DNM3: variants seen among roughly 807,000 people sequenced by gnomAD.
The protein encoded by DNM3 is dynamin 3.
In DNM3, 47 loss-of-function variants were observed where a neutral mutation model predicts 101.6. The observed-to-expected ratio is 0.46, with a 90% CI of 0.37 to 0.59. DNM3 has a LOEUF of 0.59. Ranked by LOEUF, DNM3 falls within the 20% of genes least tolerant of loss-of-function variation. DNM3 has a pLI of 0.00. For synonymous variants in DNM3, 385 were observed against 387.9 expected (o/e 0.99, Z 0.09); for missense variants, 849 against 1,085.7 (o/e 0.78, Z 3.06).
chr1:172,163,315 T>G (rs935866787), intron 14 of DNM3, among the ~76,000 whole-genome samples: 6 of 150,570 alleles, frequency 4.0e-5, no homozygotes, highest in Non-Finnish European at 5.9e-5. Flanking sequence ...CTTGGCTCAC[T>G]GCAACCTCCA....
At chr1:171,883,404 CACACACACA>C (rs2036482213) in intron 1 of DNM3, among the ~76,000 whole-genome samples, 4 of 126,780 alleles carry the variant, frequency 3.2e-5, no homozygotes, top group South Asian at 4.9e-4. Flanking sequence ...CACACACACA[CACACACACA>C]CCCTGTCAGA....
intron 2 of DNM3, among the ~76,000 whole-genome samples, chr1:171,943,602 C>A (rs1374225397): frequency 6.6e-6 from 1 of 152,184 alleles, no homozygotes; most frequent in African/African-American, 2.4e-5. Flanking sequence ...ATGGGGAAAT[C>A]TTTGAATCTA....
At chr1:172,213,854 A>G (rs946332108) in intron 14 of DNM3, among the ~76,000 whole-genome samples, 1 of 152,032 alleles carries the variant, frequency 6.6e-6, no homozygotes, top group African/African-American at 2.4e-5. Flanking sequence ...TATTGGCATC[A>G]GAGAAATTAA....
chr1:172,418,457 T>C, exon 21 of DNM3: 1 of 609,804 alleles, frequency 1.6e-6, no homozygotes, highest in South Asian at 3.4e-5. Flanking sequence ...AAGTTTATTC[T>C]ATATAAAAAT....
At chr1:172,376,364 C>T (rs1440474965) in intron 17 of DNM3, 1 of 151,932 alleles carries the variant, frequency 6.6e-6, no homozygotes, top group African/African-American at 2.4e-5. Flanking sequence ...TTTACATTTC[C>T]TTGATGAGGA....
chr1:172,411,257 A>G lies in DNM3; in HGVS notation c.*3416A>G. 2.0e-6 allele frequency: 2 copies of G among 985,222 alleles called. No individual in the cohort carries two copies. Among genetic ancestry groups the G allele is most frequent in the Non-Finnish European group, 2.4e-6 (2 of 829,756 alleles). The allele number at this position is 985,222 out of a possible 1,614,324, so 61.0% of individuals were successfully genotyped here. ...ATTTCTCATAACATATATGAGGTATACAAAATTTTCTAACTCCAGATTGTA... is the reference window on the plus strand; with the variant it reads ...ATTTCTCATAACATATATGAGGTATGCAAAATTTTCTAACTCCAGATTGTA... On this transcript the variant is annotated 3_prime_UTR_variant, in exon 21 of 21. Transcript: ENST00000627582.
downstream of DNM3, among the ~76,000 whole-genome samples, chr1:172,416,472 G>A (rs1301803946): frequency 6.6e-6 from 1 of 152,112 alleles, no homozygotes; most frequent in Non-Finnish European, 1.5e-5. Context: ...AGCTGTCTGA[G>A]GATATAAATG....
intron 1 of DNM3, among the ~76,000 whole-genome samples, chr1:171,868,981 C>T (rs2125075513): frequency 6.6e-6 from 1 of 152,178 alleles, no homozygotes; most frequent in East Asian, 1.9e-4. Context: ...CAGGGTTTCT[C>T]CATGTTGGTC....
chr1:172,169,907 T>C (rs1479692187), intron 14 of DNM3, among the ~76,000 whole-genome samples: 3 of 151,926 alleles, frequency 2.0e-5, no homozygotes, highest in Admixed American at 2.0e-4. Flanking sequence ...TTTTCAGTTT[T>C]AACATCAAGG....
chr1:172,190,397 T>C (rs910989725), intron 14 of DNM3, among the ~76,000 whole-genome samples: 3 of 152,190 alleles, frequency 2.0e-5, no homozygotes, highest in Non-Finnish European at 4.4e-5. Context: ...CACATTTTCT[T>C]AATCCAGTCT....
chr1:171,917,891 T>C (rs1351366608), intron 1 of DNM3, among the ~76,000 whole-genome samples: 1 of 152,198 alleles, frequency 6.6e-6, no homozygotes, highest in Non-Finnish European at 1.5e-5. Flanking sequence ...GGTTTTCCCA[T>C]AAAATATGCT....
chr1:172,264,964 C>T (rs2062802976), intron 15 of DNM3, among the ~76,000 whole-genome samples: 1 of 152,090 alleles, frequency 6.6e-6, no homozygotes. Context: ...AAAAGATCAG[C>T]AATGAAGAGA....
intron 10 of DNM3, among the ~76,000 whole-genome samples, chr1:172,064,146 C>G (rs1344737939): frequency 1.3e-5 from 2 of 152,052 alleles, no homozygotes; most frequent in Non-Finnish European, 2.9e-5. Flanking sequence ...AATAGCAAAT[C>G]CTTCATCCCT....
chr1:172,170,456 A>G (rs2058913710), intron 14 of DNM3, among the ~76,000 whole-genome samples: 1 of 151,802 alleles, frequency 6.6e-6, no homozygotes, highest in African/African-American at 2.4e-5. Flanking sequence ...TGGGTTCTTA[A>G]TCTCTGGGTC....
intron 4 of DNM3, among the ~76,000 whole-genome samples, chr1:172,020,076 T>C (rs2047729485): frequency 6.6e-6 from 1 of 152,164 alleles, no homozygotes; most frequent in African/African-American, 2.4e-5. Context: ...GGGTGCTATA[T>C]GATGTACTGG....
At chr1:172,198,869 C>A (rs1225803420) in intron 14 of DNM3, among the ~76,000 whole-genome samples, 4 of 151,914 alleles carry the variant, frequency 2.6e-5, no homozygotes, top group Admixed American at 2.6e-4. Flanking sequence ...CTCCTGGATT[C>A]ATTGTTCTTT....
intron 4 of DNM3, among the ~76,000 whole-genome samples, chr1:171,998,357 A>G (rs1420572092): frequency 6.6e-6 from 1 of 152,152 alleles, no homozygotes; most frequent in East Asian, 1.9e-4. Flanking sequence ...GTTCACACTT[A>G]TGTTACTAAA....
At chr1:172,263,371 A>T (rs569679004) in intron 15 of DNM3, among the ~76,000 whole-genome samples, 10 of 152,360 alleles carry the variant, frequency 6.6e-5, no homozygotes, top group African/African-American at 2.4e-4. Flanking sequence ...AATTGGAATG[A>T]AATTCCAATT....
At chr1:172,116,556 G>A (rs78299232) in intron 13 of DNM3, among the ~76,000 whole-genome samples, 1 of 152,200 alleles carries the variant, frequency 6.6e-6, no homozygotes, top group Non-Finnish European at 1.5e-5. Flanking sequence ...AGCTCCAATG[G>A]AGATTCCCTT....
Sources: allele counts gnomAD v4.1 joint callset (sites outside exome capture counted in the v4.1 genomes callset), GRCh38; gene constraint gnomAD v4.1.1; transcripts MANE v1.5; gene names NCBI Gene and HGNC (gene_info 2026-07-23, HGNC 2026-07-21).